CACNA1C: variants seen among roughly 807,000 people sequenced by gnomAD.
CACNA1C encodes voltage-dependent L-type calcium channel subunit alpha-1C.
In CACNA1C, 30 loss-of-function variants were observed where a neutral mutation model predicts 229.0. The observed-to-expected ratio is 0.13, with a 90% CI of 0.10 to 0.18. CACNA1C has a LOEUF of 0.18. CACNA1C is among the 10% of genes least tolerant of loss of function. CACNA1C has a pLI of 1.00. For missense variants in CACNA1C, 1,658 were observed against 2,845.0 expected (o/e 0.58, Z 9.49); for synonymous variants, 1,114 against 1,132.5 (o/e 0.98, Z 0.33).
rs184620231 is a variant in CACNA1C at position 2,412,464 on chromosome 12, T to G, written c.478-36512T>G. ...ACCATGGTCTCCAGGAGATAAGAGA[T>G]GCATAAGCTCCAGGAGCCCAGCAGT... On this transcript the variant is annotated intron_variant, in intron 3 of 46. Coordinates refer to ENST00000399655, the MANE Select transcript of CACNA1C (RefSeq NM_000719.7). 3.7e-3 allele frequency among the ~76,000 whole-genome samples: 569 copies of G among 152,328 alleles called. 3 individuals are homozygous for G. The highest frequency in any genetic ancestry group is 0.013 in the African/African-American group (543 of 41,576).
At chr12:2,155,534 T>C (rs1321758853) in intron 3 of CACNA1C, among the ~76,000 whole-genome samples, 2 of 152,246 alleles carry the variant, frequency 1.3e-5, no homozygotes, top group Non-Finnish European at 2.9e-5. Flanking sequence ...AGCTCAATTG[T>C]TTGTTAAGGA....
chr12:2,261,905 C>T (rs1049228277), intron 3 of CACNA1C, among the ~76,000 whole-genome samples: 1 of 152,206 alleles, frequency 6.6e-6, no homozygotes, highest in Non-Finnish European at 1.5e-5. Context: ...GTGGACATTG[C>T]ATCACATAGT....
intron 5 of CACNA1C, among the ~76,000 whole-genome samples, chr12:2,470,046 T>C (rs943581806): frequency 2.0e-5 from 3 of 152,358 alleles, no homozygotes; most frequent in African/African-American, 7.2e-5. Context: ...TAATAATTTC[T>C]TTTTTAACCA....
At chr12:2,147,493 T>C (rs1217271278) in intron 3 of CACNA1C, among the ~76,000 whole-genome samples, 2 of 151,332 alleles carry the variant, frequency 1.3e-5, no homozygotes, top group African/African-American at 4.8e-5. Flanking sequence ...TTATCTGCTA[T>C]TAAATACTTC....
At chr12:2,487,817 A>T (rs901288173) in intron 6 of CACNA1C, among the ~76,000 whole-genome samples, 6 of 152,302 alleles carry the variant, frequency 3.9e-5, no homozygotes, top group African/African-American at 1.2e-4. Context: ...CTTTAATTAA[A>T]ATCCTTCCTT....
intron 9 of CACNA1C, among the ~76,000 whole-genome samples, chr12:2,532,669 T>C (rs987800635): frequency 1.3e-5 from 2 of 152,180 alleles, no homozygotes; most frequent in Non-Finnish European, 2.9e-5. Context: ...CTGTGTTCCA[T>C]CCACCAGGAC....
chr12:2,555,703 CCGTT>C (rs1382521191), intron 10 of CACNA1C, among the ~76,000 whole-genome samples: 1 of 152,232 alleles, frequency 6.6e-6, no homozygotes, highest in African/African-American at 2.4e-5. Flanking sequence ...TATTAGCTAA[CCGTT>C]CGGAGCAGTA....
chr12:2,581,299 G>A (rs1191023918), intron 13 of CACNA1C, among the ~76,000 whole-genome samples: 1 of 152,178 alleles, frequency 6.6e-6, no homozygotes, highest in Non-Finnish European at 1.5e-5. Context: ...GCAGGGAAGT[G>A]AAATGTCTTG....
intron 4 of CACNA1C, among the ~76,000 whole-genome samples, chr12:2,450,962 C>T (rs1372133541): frequency 6.6e-6 from 1 of 152,182 alleles, no homozygotes; most frequent in Admixed American, 6.5e-5. Context: ...TTCCTTGTCT[C>T]TGGCCATCTG....
chr12:2,219,488 T>C (rs1417806230), intron 3 of CACNA1C, among the ~76,000 whole-genome samples: 2 of 152,224 alleles, frequency 1.3e-5, no homozygotes, highest in African/African-American at 4.8e-5. Context: ...CCAAGTGTTT[T>C]ATTTTTTTGT....
intron 1 of CACNA1C, chr12:2,020,469 G>A (rs565471653): frequency 6.6e-6 from 1 of 152,292 alleles, no homozygotes; most frequent in East Asian, 1.9e-4. Context: ...ATTTCCTGAA[G>A]TAAGGCTGCA....
At chr12:2,265,339 T>C (rs2081967376) in intron 3 of CACNA1C, among the ~76,000 whole-genome samples, 2 of 152,220 alleles carry the variant, frequency 1.3e-5, no homozygotes, top group South Asian at 4.1e-4. Context: ...CACTCCTGTT[T>C]CAGGGACAAA....
chr12:2,140,240 G>A (rs953907779), intron 3 of CACNA1C, among the ~76,000 whole-genome samples: 1 of 151,296 alleles, frequency 6.6e-6, no homozygotes, highest in African/African-American at 2.4e-5. Flanking sequence ...GTGGGTGGAC[G>A]ATTTGCAGAA....
At position 2,648,587 on chromosome 12, in the gene CACNA1C, G is replaced by C. The variant is rs985583003; in HGVS notation, c.3945+80G>C. The C allele has an allele frequency of 1.1e-5, 14 of 1,255,414 alleles. No homozygotes were observed. In the African/African-American group the frequency reaches 2.1e-4, roughly 18 times the overall value. 77.8% of individuals were successfully genotyped at this position (1,255,414 alleles called of 1,614,324 possible). A position where few individuals can be genotyped will look rare whatever the true frequency, so the allele number is the denominator to read the frequency against. The stretch of plus-strand genomic sequence containing the variant: ...CCCACTCTCCCCACCCCGAACTCCA[G>C]AGTCCCTGGGAGCCCTGCCTGGCTC... On this transcript the variant is annotated intron_variant, in intron 31 of 46. Transcript: ENST00000399655.
At chr12:2,390,396 T>C (rs1392003395) in intron 3 of CACNA1C, among the ~76,000 whole-genome samples, 1 of 152,172 alleles carries the variant, frequency 6.6e-6, no homozygotes, top group Non-Finnish European at 1.5e-5. Context: ...GTGCTTAACA[T>C]TACGGGACAG....
At chr12:2,347,723 C>G (rs1189805275) in intron 3 of CACNA1C, among the ~76,000 whole-genome samples, 1 of 152,236 alleles carries the variant, frequency 6.6e-6, no homozygotes. Context: ...ATCCATGTGG[C>G]CAGGCCCTAT....
intron 13 of CACNA1C, among the ~76,000 whole-genome samples, chr12:2,571,958 A>C (rs2054678176): frequency 6.6e-6 from 1 of 151,908 alleles, no homozygotes; most frequent in Non-Finnish European, 1.5e-5. Context: ...AGACAAGTGC[A>C]TGCCTTCTTC....
At chr12:2,248,306 G>A (rs1469357087) in intron 3 of CACNA1C, among the ~76,000 whole-genome samples, 1 of 152,220 alleles carries the variant, frequency 6.6e-6, no homozygotes, top group Non-Finnish European at 1.5e-5. Context: ...AGGAGGAGAT[G>A]AGTCCAGGAA....
chr12:2,570,243 G>A (rs1437167692), intron 13 of CACNA1C, among the ~76,000 whole-genome samples: 1 of 152,088 alleles, frequency 6.6e-6, no homozygotes, highest in Non-Finnish European at 1.5e-5. Flanking sequence ...ACCATCCGTT[G>A]GATTGTGATG....
Sources: allele counts gnomAD v4.1 joint callset (sites outside exome capture counted in the v4.1 genomes callset), GRCh38; gene constraint gnomAD v4.1.1; transcripts MANE v1.5; gene names NCBI Gene and HGNC (gene_info 2026-07-23, HGNC 2026-07-21).